GLRA2: variants seen among roughly 807,000 people sequenced by gnomAD.
GLRA2 encodes glycine receptor alpha 2.
A neutral mutation model predicts 31.6 loss-of-function variants in GLRA2; 11 were observed. The observed-to-expected ratio is 0.35, with a 90% confidence interval of 0.22 to 0.58. GLRA2 has a LOEUF of 0.58. Among genes scored for constraint, GLRA2 ranks in the 20% least tolerant of loss-of-function variants. The pLI is 0.84. For synonymous variants in GLRA2, 132 were observed against 134.0 expected, an observed-to-expected ratio of 0.99 and a Z score of 0.10; for missense variants, 212 against 351.8, an observed-to-expected ratio of 0.60 and a Z score of 3.18.
intron 7 of GLRA2, among the ~76,000 whole-genome samples, chrX:14,656,487 G>A (rs1192632385): frequency 2.7e-5 from 3 of 111,766 alleles, no homozygotes; most frequent in African/African-American, 9.8e-5. Context: ...ACATGTTCAT[G>A]GTTGATGGGG....
At chrX:14,487,996 GT>G in the GLRA2 span, among the ~76,000 whole-genome samples, 1 of 111,744 alleles carries the variant, frequency 8.9e-6, no homozygotes, top group Non-Finnish European at 1.9e-5. Context: ...GCACTTGGAT[GT>G]TTAAAACCCT....
the GLRA2 span, among the ~76,000 whole-genome samples, chrX:14,461,958 A>G: frequency 1.8e-5 from 2 of 112,073 alleles, no homozygotes; most frequent in Admixed American, 9.5e-5. Flanking sequence ...GGTCTTTACA[A>G]TGTGGCATGT....
chrX:14,501,281 A>C, the GLRA2 span, among the ~76,000 whole-genome samples: 2 of 111,635 alleles, frequency 1.8e-5, no homozygotes, highest in Non-Finnish European at 3.8e-5. Context: ...AGTGTATTTA[A>C]ACTTTTTAAA....
the GLRA2 span, among the ~76,000 whole-genome samples, chrX:14,496,085 G>A: frequency 9.0e-6 from 1 of 111,576 alleles, no homozygotes; most frequent in Non-Finnish European, 1.9e-5. Context: ...TGGGCGAAAT[G>A]CAAAGTCTAC....
rs773831363 is a variant in GLRA2 at position 14,612,069 on chromosome X, T to A, written c.930+2864T>A. ...GACTGGAATTTCTCTAGAGTATGTC[T>A]CCCTTTCCAAAAATTCTCAAGCAGA... On this transcript the variant is annotated intron_variant, in intron 7 of 8. Transcript: ENST00000218075. Among the ~76,000 whole-genome samples the A allele has an allele frequency of 3.6e-5, 4 of 111,562 alleles. No homozygotes were observed. In the South Asian group the frequency reaches 1.5e-3, roughly 42 times the overall value.
chrX:14,688,776 C>T (rs11796421), intron 7 of GLRA2, among the ~76,000 whole-genome samples: 26,055 of 108,952 alleles, frequency 0.24, 2,513 homozygotes, highest in Non-Finnish European at 0.3. Flanking sequence ...CACCCTGGTC[C>T]GGCTCACGCT....
At chrX:14,614,816 C>T (rs1312208176) in intron 7 of GLRA2, among the ~76,000 whole-genome samples, 1 of 112,081 alleles carries the variant, frequency 8.9e-6, no homozygotes, top group Non-Finnish European at 1.9e-5. Flanking sequence ...ATACCAGTCT[C>T]TTTTCTTACA....
At chrX:14,626,029 C>T (rs1285658441) in intron 7 of GLRA2, among the ~76,000 whole-genome samples, 2 of 112,101 alleles carry the variant, frequency 1.8e-5, no homozygotes, top group Non-Finnish European at 3.8e-5. Flanking sequence ...TTATGCCATA[C>T]CACTTTTCAT....
intron 7 of GLRA2, among the ~76,000 whole-genome samples, chrX:14,630,474 T>G (rs1175938122): frequency 2.7e-5 from 3 of 111,961 alleles, no homozygotes; most frequent in Non-Finnish European, 5.6e-5. Flanking sequence ...CTTCTTAGAT[T>G]TGCAGATTTA....
the GLRA2 span, among the ~76,000 whole-genome samples, chrX:14,488,116 G>A: frequency 1.8e-5 from 2 of 111,702 alleles, no homozygotes; most frequent in Non-Finnish European, 3.8e-5. Context: ...TCTAAGCCAT[G>A]GATTCCTGTC....
the GLRA2 span, among the ~76,000 whole-genome samples, chrX:14,483,671 A>G: frequency 4.2e-4 from 47 of 112,081 alleles, no homozygotes; most frequent in Admixed American, 1.4e-3. Context: ...TTAGAACTCA[A>G]TAATGTCTTA....
chrX:14,699,487 G>T (rs1296139021), intron 8 of GLRA2, among the ~76,000 whole-genome samples: 1 of 111,862 alleles, frequency 8.9e-6, no homozygotes, highest in Non-Finnish European at 1.9e-5. Context: ...TATTTATGGG[G>T]TACAATGTGA....
rs1398510815 is a variant in GLRA2, at chrX:14,678,059, T to G, written c.931-12651T>G. On this transcript the variant is annotated intron_variant, in intron 7 of 8. Coordinates refer to ENST00000218075, the MANE Select transcript of GLRA2 (RefSeq NM_002063.4). The stretch of plus-strand genomic sequence containing the variant: ...CCTGGTTGTGACAATCAAAAATATC[T>G]CCAGACGTTGCCAAATGTCCCCTGG... 2.7e-5 allele frequency among the ~76,000 whole-genome samples: 3 copies of G among 111,896 alleles called. No homozygotes were observed. The East Asian group carries it at 8.4e-4, about 31-fold the overall frequency.
the GLRA2 span, among the ~76,000 whole-genome samples, chrX:14,483,698 T>C: frequency 8.9e-6 from 1 of 111,813 alleles, no homozygotes; most frequent in Non-Finnish European, 1.9e-5. Context: ...TTTTAAAAAG[T>C]GTGGATGATA....
intron 8 of GLRA2, among the ~76,000 whole-genome samples, chrX:14,711,939 G>T (rs1360240602): frequency 8.9e-6 from 1 of 112,653 alleles, no homozygotes; most frequent in Non-Finnish European, 1.9e-5. Context: ...CTATGAGTGA[G>T]TTTCTGTCCT....
At chrX:14,466,299 A>G in the GLRA2 span, among the ~76,000 whole-genome samples, 1 of 111,096 alleles carries the variant, frequency 9.0e-6, no homozygotes, top group African/African-American at 3.3e-5. Flanking sequence ...CTTACTCTTG[A>G]ACAACTAAAT....
chrX:14,597,174 T>G (rs1484876301), intron 4 of GLRA2, among the ~76,000 whole-genome samples: 1 of 111,643 alleles, frequency 9.0e-6, no homozygotes, highest in Non-Finnish European at 1.9e-5. Context: ...AAGGTACAAC[T>G]GGGAGGAAAG....
intron 2 of GLRA2, among the ~76,000 whole-genome samples, chrX:14,566,520 G>C (rs951106311): frequency 1.8e-5 from 2 of 111,876 alleles, no homozygotes; most frequent in Non-Finnish European, 3.8e-5. Flanking sequence ...ATATCCCTTT[G>C]TAGTGAGTGC....
intron 7 of GLRA2, among the ~76,000 whole-genome samples, chrX:14,646,761 C>G (rs931808911): frequency 4.5e-5 from 5 of 111,481 alleles, no homozygotes; most frequent in African/African-American, 9.8e-5. Context: ...GGGAGTTTAA[C>G]AAAGGTAGAG....
Sources: gnomAD v4.1 joint callset for allele counts (sites outside exome capture counted in the v4.1 genomes callset) on GRCh38, gnomAD v4.1.1 for gene constraint, MANE v1.5 for transcripts, NCBI Gene and HGNC (gene_info 2026-07-23, HGNC 2026-07-21) for gene names.